PMM2: variants seen among roughly 807,000 people sequenced by gnomAD.
PMM2 encodes phosphomannomutase 2, also known as mannose-6-phosphate isomerase.
A neutral mutation model predicts 33.2 loss-of-function variants in PMM2; 35 were observed. The ratio of observed to expected loss-of-function variants is 1.06; its 90% CI spans 0.81 to 1.40. The LOEUF is 1.40. Among genes scored for constraint, PMM2 ranks in the 40% most tolerant of loss-of-function variants. The pLI is 0.00. For missense variants in PMM2, 386 were observed against 306.0 expected (o/e 1.26, Z -1.95); for synonymous variants, 153 against 114.7 (o/e 1.33, Z -2.13).
chr16:8,840,363 T>C (rs936767489), intron 7 of PMM2, among the ~76,000 whole-genome samples: 10 of 151,898 alleles, frequency 6.6e-5, no homozygotes, highest in African/African-American at 9.7e-5. Context: ...CCAAGAGATA[T>C]CAGCTGTGAT....
intron 7 of PMM2, among the ~76,000 whole-genome samples, chr16:8,828,858 T>G (rs1176582633): frequency 2.0e-5 from 3 of 152,184 alleles, no homozygotes; most frequent in Non-Finnish European, 4.4e-5. Context: ...TAGTAGGTGT[T>G]CTAGAAAGGT....
intron 7 of PMM2, among the ~76,000 whole-genome samples, chr16:8,815,046 T>C (rs1422642103): frequency 1.3e-5 from 2 of 152,122 alleles, no homozygotes; most frequent in African/African-American, 4.8e-5. Context: ...TATATGACTT[T>C]AGCACCTTTA....
chr16:8,846,161 C>T (rs986883245), intron 7 of PMM2, among the ~76,000 whole-genome samples: 2 of 152,168 alleles, frequency 1.3e-5, no homozygotes, highest in Non-Finnish European at 2.9e-5. Flanking sequence ...CTGGGCCCAG[C>T]GACGTTCCCT....
intron 2 of PMM2, among the ~76,000 whole-genome samples, chr16:8,804,092 G>T (rs2060633158): frequency 7.2e-6 from 1 of 138,198 alleles, no homozygotes; most frequent in Non-Finnish European, 1.5e-5. Flanking sequence ...AGGCTGGAGT[G>T]CAGTGGCACA....
chr16:8,845,324 C>G (rs2060918130), intron 7 of PMM2, among the ~76,000 whole-genome samples: 3 of 152,258 alleles, frequency 2.0e-5, no homozygotes, highest in African/African-American at 7.2e-5. Context: ...AGAAACAAAT[C>G]ACAATGGTGG....
intron 1 of PMM2, among the ~76,000 whole-genome samples, chr16:8,800,511 C>T (rs2060607126): frequency 6.6e-6 from 1 of 152,024 alleles, no homozygotes; most frequent in Non-Finnish European, 1.5e-5. Flanking sequence ...AATTATCACA[C>T]AGTTTGGAAT....
At chr16:8,834,579 T>C (rs1203933854) in intron 7 of PMM2, among the ~76,000 whole-genome samples, 2 of 151,882 alleles carry the variant, frequency 1.3e-5, no homozygotes, top group Non-Finnish European at 2.9e-5. Flanking sequence ...TCAAGCTTGA[T>C]GTGTAGGGAA....
chr16:8,813,069 A>T lies in PMM2; in HGVS notation c.602A>T (p.Tyr201Phe), dbSNP rs752007606. The T allele has an allele frequency of 6.2e-7, 1 of 1,611,614 alleles. No homozygotes were observed. The highest frequency in any genetic ancestry group is 1.7e-5 in the Admixed American group (1 of 60,014). The part of the protein sequence containing the change: ...YCLRHVENDG[Y>F]KTIYFFGDKT... ...CTGCGACATGTGGAAAATGACGGTTATAAGACCATTTATTTCTTTGGAGAC... is the reference window on the plus strand; with the variant it reads ...CTGCGACATGTGGAAAATGACGGTTTTAAGACCATTTATTTCTTTGGAGAC... The change falls in exon 7 of 8, where the codon TAT (tyrosine) becomes TTT (phenylalanine). Residue 201 changes from tyrosine to phenylalanine, a missense_variant. Transcript: ENST00000268261.
intron 7 of PMM2, among the ~76,000 whole-genome samples, chr16:8,831,404 G>A (rs935631773): frequency 6.6e-6 from 1 of 152,188 alleles, no homozygotes; most frequent in African/African-American, 2.4e-5. Context: ...AGGCATGGTG[G>A]TGCACACCTG....
intron 7 of PMM2, among the ~76,000 whole-genome samples, chr16:8,837,700 C>T (rs982310227): frequency 2.0e-5 from 3 of 152,062 alleles, no homozygotes; most frequent in African/African-American, 4.8e-5. Flanking sequence ...GGTAGAGACA[C>T]GGAGAGAAGG....
Position 8,834,573 on chromosome 16 carries a change from G to T in PMM2, c.640-13151G>T, listed in dbSNP as rs1467408501. ...GTCCTGGGTGGGGGCAAATCTTCAA[G>T]CTTGATGTGTAGGGAAGGGAGGGGG... On this transcript the variant is annotated intron_variant, in intron 7 of 7. Coordinates refer to ENST00000268261, the MANE Select transcript of PMM2 (RefSeq NM_000303.3). Among the ~76,000 whole-genome samples the T allele has an allele frequency of 2.0e-5, 3 of 152,216 alleles. No individual in the cohort carries two copies. The East Asian group carries it at 5.8e-4, about 30-fold the overall frequency.
At chr16:8,800,415 G>C (rs915577777) in intron 1 of PMM2, among the ~76,000 whole-genome samples, 3 of 150,910 alleles carry the variant, frequency 2.0e-5, no homozygotes, top group Non-Finnish European at 4.4e-5. Context: ...ATTGCTCAAA[G>C]TGCTGAGTTA....
At chr16:8,834,294 G>A (rs2060829666) in intron 7 of PMM2, among the ~76,000 whole-genome samples, 1 of 152,138 alleles carries the variant, frequency 6.6e-6, no homozygotes, top group Non-Finnish European at 1.5e-5. Flanking sequence ...GGGATATGAA[G>A]GTTCCACTGA....
chr16:8,799,765 C>A (rs1245381988), intron 1 of PMM2, among the ~76,000 whole-genome samples: 1 of 152,050 alleles, frequency 6.6e-6, no homozygotes, highest in Non-Finnish European at 1.5e-5. Flanking sequence ...CCAGGATGGT[C>A]TCTATCTCTG....
At chr16:8,840,118 G>C (rs903979748) in intron 7 of PMM2, among the ~76,000 whole-genome samples, 95 of 151,848 alleles carry the variant, frequency 6.3e-4, no homozygotes, top group Non-Finnish European at 6.6e-4. Flanking sequence ...AAAGCCAGCA[G>C]TTGTTCACTA....
At chr16:8,812,084 G>C (rs2060680974) in intron 6 of PMM2, among the ~76,000 whole-genome samples, 1 of 152,162 alleles carries the variant, frequency 6.6e-6, no homozygotes, top group Non-Finnish European at 1.5e-5. Context: ...ACATGGAATT[G>C]AACCCCTTAG....
At chr16:8,843,620 G>A (rs376557812) in intron 7 of PMM2, among the ~76,000 whole-genome samples, 1 of 152,152 alleles carries the variant, frequency 6.6e-6, no homozygotes, top group Non-Finnish European at 1.5e-5. Flanking sequence ...TTGTGTGCTG[G>A]AGATGTGGCT....
Position 8,832,416 on chromosome 16 carries a change from T to C in PMM2, c.640-15308T>C, listed in dbSNP as rs902857080. ...CTTTATTAAGTGTCAGCGAGTTACA[T>C]GCACACAGATCACTCAGATTCCACA... On this transcript the variant is annotated intron_variant, in intron 7 of 7. Transcript: ENST00000268261. The C allele has an allele frequency of 1.0e-5, 10 of 985,206 alleles. No homozygotes were observed. In the African/African-American group the frequency reaches 1.6e-4, roughly 15 times the overall value. 61.0% of individuals were successfully genotyped at this position (985,206 alleles called of 1,614,324 possible).
At chr16:8,814,680 A>G (rs74687796) in intron 7 of PMM2, among the ~76,000 whole-genome samples, 10,237 of 152,248 alleles carry the variant, frequency 0.067, 415 homozygotes, top group Middle Eastern at 0.14. Flanking sequence ...GAAGAAGTCT[A>G]CCTGTTCTTT....
Sources: allele counts gnomAD v4.1 joint callset (sites outside exome capture counted in the v4.1 genomes callset), GRCh38; gene constraint gnomAD v4.1.1; transcripts MANE v1.5; gene names NCBI Gene and HGNC (gene_info 2026-07-23, HGNC 2026-07-21).